Variants in RBFOX3 observed in about 807,000 individuals in gnomAD.
RBFOX3 encodes RNA binding protein fox-1 homolog 3.
A neutral mutation model predicts 48.7 loss-of-function variants in RBFOX3; 17 were observed. The ratio of observed to expected loss-of-function variants is 0.35; its 90% confidence interval spans 0.24 to 0.52. The LOEUF is 0.52. RBFOX3 is among the 20% of genes least tolerant of loss of function. The pLI, the probability that RBFOX3 is intolerant of heterozygous loss-of-function variation, is 0.94. For missense variants in RBFOX3, 382 were observed against 497.5 expected (o/e 0.77, Z 2.21); for synonymous variants, 212 against 209.5 (o/e 1.01, Z -0.10).
Position 79,167,402 on chromosome 17 carries a change from G to A in RBFOX3, c.-33-51654C>T, listed in dbSNP as rs183066719. Among the ~76,000 whole-genome samples, 122 of 152,272 alleles carry A rather than the reference G, an allele frequency of 8.0e-4. 1 individual carries two copies. The highest frequency in any genetic ancestry group is 2.5e-4 in the Non-Finnish European group (17 of 68,006). The stretch of plus-strand genomic sequence containing the variant: ...CTCTGGGGTCTCTATCAGGCTCTAC[G>A]GTCCTACTGAGCACCCTCCAAGGAG... On this transcript the variant is annotated intron_variant, in intron 4 of 14. Coordinates refer to ENST00000693108, the MANE Select transcript of RBFOX3 (RefSeq NM_001350451.2).
chr17:79,182,274 G>A (rs576220687), intron 4 of RBFOX3, among the ~76,000 whole-genome samples: 1 of 152,288 alleles, frequency 6.6e-6, no homozygotes, highest in Non-Finnish European at 1.5e-5. Context: ...ACCCCTGCAG[G>A]CCCAAGCAGA....
chr17:79,245,678 A>G (rs2063070999), intron 3 of RBFOX3, among the ~76,000 whole-genome samples: 2 of 137,894 alleles, frequency 1.5e-5, no homozygotes, highest in South Asian at 4.6e-4. Context: ...CCCAGGCTGG[A>G]GTGCAGTGGC....
At chr17:79,465,530 A>G (rs1333560090) in intron 2 of RBFOX3, among the ~76,000 whole-genome samples, 2 of 151,922 alleles carry the variant, frequency 1.3e-5, no homozygotes, top group African/African-American at 4.8e-5. Flanking sequence ...GCTAATTGCC[A>G]TCAATCAGGA....
At chr17:79,116,425 G>A (rs28443188) in intron 4 of RBFOX3, among the ~76,000 whole-genome samples, 9 of 148,524 alleles carry the variant, frequency 6.1e-5, no homozygotes, top group African/African-American at 2.2e-4. Flanking sequence ...TGAGGCAGGA[G>A]AATCACTTCA....
At chr17:79,130,532 C>T (rs1382662279) in intron 4 of RBFOX3, among the ~76,000 whole-genome samples, 2 of 152,258 alleles carry the variant, frequency 1.3e-5, no homozygotes, top group Non-Finnish European at 2.9e-5. Flanking sequence ...CTCTTTCTCT[C>T]CTTTGCTCAG....
chr17:79,374,250 G>A (rs183224345), intron 2 of RBFOX3, among the ~76,000 whole-genome samples: 2 of 152,290 alleles, frequency 1.3e-5, no homozygotes, highest in East Asian at 3.9e-4. Flanking sequence ...GAGGAGAGTG[G>A]GCGTGAGAGA....
At chr17:79,094,412 G>C (rs908355222) in intron 14 of RBFOX3, 39 bp downstream of exon 14, 1 of 1,449,928 alleles carries the variant, frequency 6.9e-7, no homozygotes, top group Non-Finnish European at 9.2e-7. Flanking sequence ...CCAGCTGTTA[G>C]GACTGGCACC....
At chr17:79,373,169 G>A (rs1200709490) in intron 2 of RBFOX3, among the ~76,000 whole-genome samples, 2 of 152,050 alleles carry the variant, frequency 1.3e-5, no homozygotes, top group Non-Finnish European at 1.5e-5. Context: ...CAAATGCACC[G>A]GACTCCCCCA....
intron 1 of RBFOX3, among the ~76,000 whole-genome samples, chr17:79,483,288 C>A (rs1484014064): frequency 2.6e-5 from 4 of 151,792 alleles, no homozygotes; most frequent in African/African-American, 4.8e-5. Flanking sequence ...GGCAGTCTGG[C>A]TCCCTCTCCT....
At chr17:79,530,584 G>C (rs1599056131) in intron 1 of RBFOX3, among the ~76,000 whole-genome samples, 2 of 152,288 alleles carry the variant, frequency 1.3e-5, no homozygotes, top group Admixed American at 6.5e-5. Flanking sequence ...CCAGACCACA[G>C]AGACCAGAGG....
chr17:79,440,810 C>T (rs941040609), intron 2 of RBFOX3, among the ~76,000 whole-genome samples: 1 of 152,092 alleles, frequency 6.6e-6, no homozygotes, highest in African/African-American at 2.4e-5. Flanking sequence ...TCATCAGCAT[C>T]CACACCCCTG....
Position 79,177,844 on chromosome 17 carries a change from G to A in RBFOX3, c.-34+57922C>T, listed in dbSNP as rs551502239. On this transcript the variant is annotated intron_variant, in intron 4 of 14. Coordinates refer to ENST00000693108, the MANE Select transcript of RBFOX3 (RefSeq NM_001350451.2). ...AAAATCCTACCACCCTCAATCAAGC[G>A]CAGAGTTAGCTGCTCCCCATTGCCT... Among the ~76,000 whole-genome samples the A allele has an allele frequency of 3.0e-3, 460 of 152,290 alleles. 3 individuals carry two copies. The highest frequency in any genetic ancestry group is 0.01 in the African/African-American group (426 of 41,548).
At chr17:79,338,727 A>G (rs1203039473) in intron 2 of RBFOX3, among the ~76,000 whole-genome samples, 1 of 152,154 alleles carries the variant, frequency 6.6e-6, no homozygotes, top group Non-Finnish European at 1.5e-5. Flanking sequence ...GTGCTTCAAC[A>G]ACCACAGAGG....
intron 1 of RBFOX3, chr17:79,598,360 A>C (rs2093621337): frequency 6.6e-6 from 1 of 150,378 alleles, no homozygotes; most frequent in South Asian, 2.1e-4. Flanking sequence ...ATACATGCAC[A>C]CATGTGCACA....
At chr17:79,378,193 C>A (rs1406022901) in intron 2 of RBFOX3, among the ~76,000 whole-genome samples, 3 of 152,026 alleles carry the variant, frequency 2.0e-5, no homozygotes, top group Non-Finnish European at 4.4e-5. Context: ...AAGCACCGAG[C>A]CTCCCCGTAG....
chr17:79,330,164 C>T (rs1226165370), intron 2 of RBFOX3, among the ~76,000 whole-genome samples: 1 of 152,248 alleles, frequency 6.6e-6, no homozygotes, highest in Non-Finnish European at 1.5e-5. Flanking sequence ...TTCACTGCTT[C>T]TCCAGATGAG....
At chr17:79,656,884 G>A in the RBFOX3 span, among the ~76,000 whole-genome samples, 2 of 140,812 alleles carry the variant, frequency 1.4e-5, no homozygotes, top group African/African-American at 5.3e-5. Context: ...AAGGAAGGAA[G>A]GAAGGAAGGA....
chr17:79,292,770 G>A (rs1051720479), intron 3 of RBFOX3, among the ~76,000 whole-genome samples: 2 of 152,176 alleles, frequency 1.3e-5, no homozygotes, highest in Admixed American at 6.5e-5. Flanking sequence ...TGCCGCTAGA[G>A]ACCCTACTGT....
intron 5 of RBFOX3, among the ~76,000 whole-genome samples, chr17:79,113,684 G>A (rs1280920486): frequency 6.6e-6 from 1 of 152,108 alleles, no homozygotes; most frequent in Non-Finnish European, 1.5e-5. Flanking sequence ...CTGCTCACTC[G>A]GGGATTCTCT....
Sources: allele counts gnomAD v4.1 joint callset (sites outside exome capture counted in the v4.1 genomes callset), GRCh38; gene constraint gnomAD v4.1.1; transcripts MANE v1.5; gene names NCBI Gene and HGNC (gene_info 2026-07-23, HGNC 2026-07-21).